NALF1: variants seen among roughly 807,000 people sequenced by gnomAD.
NALF1 encodes the protein NALCN channel auxiliary factor 1.
A neutral mutation model predicts 48.4 loss-of-function variants in NALF1; 3 were observed. The observed-to-expected ratio is 0.06, with a 90% CI of 0.03 to 0.16. NALF1 has a LOEUF of 0.16. Ranked by LOEUF, NALF1 falls within the 10% of genes least tolerant of loss-of-function variation. NALF1 has a pLI of 1.00. For synonymous variants in NALF1, 262 were observed against 245.7 expected (o/e 1.07, Z -0.62); for missense variants, 526 against 571.5 (o/e 0.92, Z 0.81).
At chr13:107,496,930 C>T (rs905154328) in intron 1 of NALF1, among the ~76,000 whole-genome samples, 1 of 152,118 alleles carries the variant, frequency 6.6e-6, no homozygotes, top group Non-Finnish European at 1.5e-5. Flanking sequence ...AGGTCCCTTC[C>T]ACAACATGTA....
At chr13:107,788,741 T>C (rs1878145820) in intron 1 of NALF1, 1 of 152,068 alleles carries the variant, frequency 6.6e-6, no homozygotes, top group Admixed American at 6.5e-5. Flanking sequence ...GCAGCTAGAA[T>C]ATATCTGCCA....
intron 1 of NALF1, among the ~76,000 whole-genome samples, chr13:107,316,204 A>G (rs1258402436): frequency 6.6e-6 from 1 of 152,124 alleles, no homozygotes; most frequent in African/African-American, 2.4e-5. Flanking sequence ...AGCTTCATCC[A>G]TGTCCCTACA....
chr13:107,703,425 G>A (rs774157068), intron 1 of NALF1, among the ~76,000 whole-genome samples: 8 of 143,022 alleles, frequency 5.6e-5, no homozygotes, highest in Non-Finnish European at 9.0e-5. Context: ...GCAATGGCAC[G>A]ACCTCCGCCT....
chr13:107,444,672 T>C (rs1884619310), intron 1 of NALF1, among the ~76,000 whole-genome samples: 1 of 152,202 alleles, frequency 6.6e-6, no homozygotes, highest in African/African-American at 2.4e-5. Context: ...TTTCCCACTT[T>C]TCACAAGAAG....
chr13:107,560,672 T>C (rs1186083689), intron 1 of NALF1, among the ~76,000 whole-genome samples: 1 of 152,126 alleles, frequency 6.6e-6, no homozygotes, highest in African/African-American at 2.4e-5. Context: ...CAAGCACACA[T>C]GCACACTCAC....
chr13:107,213,827 A>C (rs1190275406), intron 1 of NALF1, among the ~76,000 whole-genome samples: 1 of 152,244 alleles, frequency 6.6e-6, no homozygotes, highest in Non-Finnish European at 1.5e-5. Flanking sequence ...TGTTATGTGA[A>C]GAACGGAGAA....
chr13:107,684,001 A>T (rs896469905), intron 1 of NALF1, among the ~76,000 whole-genome samples: 1 of 152,112 alleles, frequency 6.6e-6, no homozygotes, highest in Non-Finnish European at 1.5e-5. Flanking sequence ...CCTCCAAAGC[A>T]TCCTTTCATC....
chr13:107,533,033 C>A (rs769458750), intron 1 of NALF1, among the ~76,000 whole-genome samples: 1 of 152,062 alleles, frequency 6.6e-6, no homozygotes, highest in Non-Finnish European at 1.5e-5. Flanking sequence ...AGAAACCAGA[C>A]ACTTTGACTG....
At chr13:107,707,025 C>T (rs572458327) in intron 1 of NALF1, among the ~76,000 whole-genome samples, 284 of 147,448 alleles carry the variant, frequency 1.9e-3, no homozygotes, top group Non-Finnish European at 3.4e-3. Flanking sequence ...CGGGTTCACG[C>T]CATTCTCCTG....
intron 1 of NALF1, among the ~76,000 whole-genome samples, chr13:107,591,893 A>G (rs975888757): frequency 6.6e-5 from 10 of 151,992 alleles, no homozygotes; most frequent in African/African-American, 2.4e-4. Flanking sequence ...TGGAGACCGT[A>G]TGATCCTTGG....
intron 1 of NALF1, among the ~76,000 whole-genome samples, chr13:107,451,973 G>A (rs1380147942): frequency 2.0e-5 from 3 of 152,084 alleles, no homozygotes; most frequent in Admixed American, 2.0e-4. Context: ...TGGTGTCCCT[G>A]GTTTCATACT....
At chr13:107,507,416 C>CT (rs1251309962) in intron 1 of NALF1, among the ~76,000 whole-genome samples, 2 of 150,796 alleles carry the variant, frequency 1.3e-5, no homozygotes, top group Non-Finnish European at 3.0e-5. Flanking sequence ...TATATGGTAG[C>CT]TTTTTTTTGT....
chr13:107,227,850 A>C (rs1011544574), intron 1 of NALF1, among the ~76,000 whole-genome samples: 3 of 152,264 alleles, frequency 2.0e-5, no homozygotes, highest in African/African-American at 7.2e-5. Flanking sequence ...GGAAGTATGA[A>C]GTAACTATAT....
chr13:107,788,155 CT>C, intron 1 of NALF1, among the ~76,000 whole-genome samples: 1 of 152,060 alleles, frequency 6.6e-6, no homozygotes, highest in East Asian at 1.9e-4. Flanking sequence ...ATTGTAACTC[CT>C]TTTTTTTCTA....
chr13:107,437,316 G>C (rs56125085), intron 1 of NALF1, among the ~76,000 whole-genome samples: 41,938 of 151,990 alleles, frequency 0.28, 6,511 homozygotes, highest in Non-Finnish European at 0.35. Context: ...CGATCACTTT[G>C]AAAAATGACC....
chr13:107,187,308 G>C (rs193045154), intron 2 of NALF1, among the ~76,000 whole-genome samples: 1 of 152,184 alleles, frequency 6.6e-6, no homozygotes, highest in Admixed American at 6.5e-5. Context: ...ACCACTTCAG[G>C]CCTTCCACCA....
chr13:107,347,202 A>C (rs1882788848), intron 1 of NALF1, among the ~76,000 whole-genome samples: 1 of 152,194 alleles, frequency 6.6e-6, no homozygotes, highest in African/African-American at 2.4e-5. Context: ...TCTTTTCCAA[A>C]GATCCTCAAG....
At position 107,210,764 on chromosome 13, in the gene NALF1, AAG is replaced by A. The variant is rs770555309; in HGVS notation, c.916-11_916-10del. ...CAGGCTTTGTAGACAATCTGAAAAA[AAG>A]AGAAGAATGAAAAATATAGAGGCGT... On this transcript the variant is annotated splice_polypyrimidine_tract_variant and intron_variant, in intron 1 of 2. Coordinates refer to ENST00000375915, the MANE Select transcript of NALF1 (RefSeq NM_001080396.3). The A allele has an allele frequency of 1.2e-6, 2 of 1,606,128 alleles. No individual in the cohort carries two copies. The highest frequency in any genetic ancestry group is 1.7e-6 in the Non-Finnish European group (2 of 1,172,874).
chr13:107,554,275 A>G (rs1416156434), intron 1 of NALF1, among the ~76,000 whole-genome samples: 1 of 152,224 alleles, frequency 6.6e-6, no homozygotes, highest in Non-Finnish European at 1.5e-5. Context: ...AATTCAGAGT[A>G]TAGAACTATG....
Sources: allele counts gnomAD v4.1 joint callset (sites outside exome capture counted in the v4.1 genomes callset), GRCh38; gene constraint gnomAD v4.1.1; transcripts MANE v1.5; gene names NCBI Gene and HGNC (gene_info 2026-07-23, HGNC 2026-07-21).